Variants in ASPSCR1 observed in about 807,000 individuals in gnomAD.
ASPSCR1 encodes the protein ASPSCR1 tether for SLC2A4, UBX domain containing.
In ASPSCR1, 55 loss-of-function variants were observed where a neutral mutation model predicts 68.9. That is an observed-to-expected ratio of 0.80 (90% confidence interval 0.64 to 1.00). ASPSCR1 has a LOEUF of 1.00. ASPSCR1 is among the 50% of genes least tolerant of loss of function. The pLI is 0.00. For synonymous variants in ASPSCR1, 352 were observed against 332.6 expected, an observed-to-expected ratio of 1.06 and a Z score of -0.63; for missense variants, 765 against 762.2, an observed-to-expected ratio of 1.00 and a Z score of -0.04.
In ASPSCR1 at chr17:82,011,532, C is replaced by A. The variant is rs762100613; in HGVS notation, c.1238-11C>A. 10 of 1,576,474 alleles carry A rather than the reference C, an allele frequency of 6.3e-6. No homozygotes were observed. The Middle Eastern group carries it at 5.1e-4, about 80-fold the overall frequency. On this transcript the variant is annotated splice_polypyrimidine_tract_variant and intron_variant, in intron 10 of 15. Coordinates refer to ENST00000306739, the MANE Select transcript of ASPSCR1 (RefSeq NM_024083.4). ...GAAGAGCTGTCTGTATGTTCTTTTT[C>A]TCCTCTGCAGTGGGGGACTTGCGAG...
rs2042283497 is a variant in ASPSCR1, at chr17:81,994,844, G to A, written c.398G>A (p.Gly133Glu). Residue 133 changes from glycine to glutamate, a missense_variant, in exon 5 of 16, where the codon GGG becomes GAG. Gly to Glu is a moderately conservative substitution (Grantham distance 98). Transcript: ENST00000306739. ...QIRECLQHPG[G>E]ATPVCVYTRD... is the part of the protein sequence containing the mutation. ...AGGGAGTGCCTGCAGCACCCCGGCG[G>A]GGCCACCCCAGTCTGCGTGTACACG... 1 of 1,613,364 alleles carries A rather than the reference G, an allele frequency of 6.2e-7. No homozygotes were observed. The highest frequency in any genetic ancestry group is 8.5e-7 in the Non-Finnish European group (1 of 1,179,954).
At chr17:81,991,584 C>T (rs1020743640) in intron 4 of ASPSCR1, among the ~76,000 whole-genome samples, 3 of 152,218 alleles carry the variant, frequency 2.0e-5, no homozygotes, top group East Asian at 1.9e-4. Flanking sequence ...CATCCCTGTC[C>T]GTCCTTGTCC....
At chr17:81,992,558 G>A (rs919227277) in intron 4 of ASPSCR1, among the ~76,000 whole-genome samples, 1 of 152,176 alleles carries the variant, frequency 6.6e-6, no homozygotes, top group African/African-American at 2.4e-5. Flanking sequence ...TAGAGAAGTG[G>A]CCTCATGACC....
rs1285071927 is a variant in ASPSCR1 at position 81,987,078 on chromosome 17, A to G, written c.374+1471A>G. Among the ~76,000 whole-genome samples the G allele has an allele frequency of 1.4e-5, 2 of 145,926 alleles. No individual in the cohort carries two copies. The highest frequency in any genetic ancestry group is 1.4e-4 in the Admixed American group (2 of 14,680). On this transcript the variant is annotated intron_variant, in intron 4 of 15. Coordinates refer to ENST00000306739, the MANE Select transcript of ASPSCR1 (RefSeq NM_024083.4). This position sits in a 1 kb window ranked among gnomAD's most constrained non-coding sequence, Gnocchi z 5.6. ...CGGGACCCGAGGCAGGAGATGACGG[A>G]GCCTAAGAGCAAAGCGAAGCCACGG... is the stretch of plus-strand genomic sequence containing the variant.
chr17:81,995,992 G>C lies in ASPSCR1; in HGVS notation c.433G>C (p.Val145Leu). The change falls in exon 6 of 16, where the codon GTG becomes CTG. Residue 145 changes from valine to leucine, a missense_variant and splice_region_variant. Transcript: ENST00000306739. ...CCTGTCCTGGCTGCTCCTCCTGCAGGTGACGGGTGAAGCTGCCCTGCGGGG... is the reference window on the plus strand; with the variant it reads ...CCTGTCCTGGCTGCTCCTCCTGCAGCTGACGGGTGAAGCTGCCCTGCGGGG... The part of the protein sequence containing the change: ...TPVCVYTRDE[V>L]TGEAALRGTT... 1 of 1,609,576 alleles carries C rather than the reference G, an allele frequency of 6.2e-7. No individual in the cohort carries two copies. Among genetic ancestry groups the C allele is most frequent in the Non-Finnish European group, 8.5e-7 (1 of 1,178,896 alleles).
intron 1 of ASPSCR1, chr17:81,978,359 A>G (rs1267780446): frequency 1.3e-5 from 2 of 151,950 alleles, no homozygotes; most frequent in Admixed American, 6.6e-5. Flanking sequence ...CGTCTGTACT[A>G]AAAAAATACA....
chr17:82,011,491 C>T (rs1447426093), intron 10 of ASPSCR1, 52 bp from the exon 11 acceptor site: 6 of 1,530,594 alleles, frequency 3.9e-6, no homozygotes, highest in Admixed American at 4.3e-5. Flanking sequence ...TGGGGCAGCC[C>T]GGGGCTGGCG....
rs202149445 is a variant in ASPSCR1, at chr17:82,010,826, G to C, written c.1195G>C (p.Asp399His). The C allele has an allele frequency of 3.7e-6, 6 of 1,613,046 alleles. No individual in the cohort carries two copies. The African/African-American group carries it at 8.0e-5, about 22-fold the overall frequency. The change falls in exon 10 of 16, where the codon GAC becomes CAC. Residue 399 changes from aspartate to histidine, a missense_variant. Coordinates refer to ENST00000306739, the MANE Select transcript of ASPSCR1 (RefSeq NM_024083.4). ...GGTGGCTCTGAGGGTCCTGTTCCCC[G>C]ACCGCTACGTCCTACAGGGCTTCTT... ...PKVALRVLFP[D>H]RYVLQGFFRP... is the part of the protein sequence containing the mutation.
chr17:81,977,655 C>T lies in ASPSCR1; in HGVS notation c.9C>T (p.Ala3=), dbSNP rs749594577. ...GGTCACGTGAGCGGAAAATGGCGGCCCCGGCAGGCGGCGGAGGCTCCGCGG... is the reference window on the plus strand; with the variant it reads ...GGTCACGTGAGCGGAAAATGGCGGCTCCGGCAGGCGGCGGAGGCTCCGCGG... The part of the protein sequence containing the change: MA[A]PAGGGGSAVS... Residue 3 remains alanine (A), a synonymous_variant, in exon 1 of 16, where the codon GCC becomes GCT. Transcript: ENST00000306739. The surrounding 1 kb of genome is among the most constrained non-coding windows in gnomAD (Gnocchi z 5.0). 1 of 1,397,566 alleles carries T rather than the reference C, an allele frequency of 7.2e-7. No homozygotes were observed. The highest frequency in any genetic ancestry group is 2.9e-5 in the Admixed American group (1 of 34,334). The allele number at this position is 1,397,566 out of a possible 1,614,324, so 86.6% of individuals were successfully genotyped here. A position where few individuals can be genotyped will look rare whatever the true frequency, so the allele number is the denominator to read the frequency against.
intron 4 of ASPSCR1, among the ~76,000 whole-genome samples, chr17:81,988,697 C>T (rs1470733862): frequency 1.3e-5 from 2 of 152,170 alleles, no homozygotes; most frequent in Admixed American, 6.5e-5. Flanking sequence ...CTGTGGACAT[C>T]TTCCTGAAGG....
intron 5 of ASPSCR1, chr17:81,995,096 C>G (rs774149159): frequency 3.6e-6 from 2 of 552,382 alleles, no homozygotes; most frequent in Admixed American, 3.5e-5. Context: ...TTCAGCTTCT[C>G]TCAAAGCCCA....
At chr17:82,010,340 T>C (rs529262574) in intron 9 of ASPSCR1, among the ~76,000 whole-genome samples, 507 of 151,218 alleles carry the variant, frequency 3.4e-3, no homozygotes, top group African/African-American at 0.011. Flanking sequence ...CCATCCTGGC[T>C]GACACGGTGA....
At chr17:82,016,919 C>T in intron 14 of ASPSCR1, 22 bp from the exon 15 acceptor site, 1 of 1,611,622 alleles carries the variant, frequency 6.2e-7, no homozygotes, top group Non-Finnish European at 8.5e-7. Flanking sequence ...ACTCACCACT[C>T]TGTGTCTTCG....
Position 81,990,814 on chromosome 17 carries a change from A to G in ASPSCR1, c.375-4007A>G, listed in dbSNP as rs2042138284. ...AGATTGTTATGCTAACGGGTTTCCTATGAGGAGTTTCTCTCCATGGGTTTA... is the reference window on the plus strand; with the variant it reads ...AGATTGTTATGCTAACGGGTTTCCTGTGAGGAGTTTCTCTCCATGGGTTTA... On this transcript the variant is annotated intron_variant, in intron 4 of 15. Coordinates refer to ENST00000306739, the MANE Select transcript of ASPSCR1 (RefSeq NM_024083.4). The surrounding 1 kb of genome is among the most constrained non-coding windows in gnomAD (Gnocchi z 4.1). 6.6e-6 allele frequency among the ~76,000 whole-genome samples: 1 copy of G among 152,052 alleles called. No homozygotes were observed. The highest frequency in any genetic ancestry group is 2.4e-5 in the African/African-American group (1 of 41,392).
At position 81,986,752 on chromosome 17, in the gene ASPSCR1, T is replaced by C. The variant is rs2042005098; in HGVS notation, c.374+1145T>C. Among the ~76,000 whole-genome samples, 1 of 152,160 alleles carries C rather than the reference T, an allele frequency of 6.6e-6. No homozygotes were observed. Among genetic ancestry groups the C allele is most frequent in the Admixed American group, 6.5e-5 (1 of 15,276 alleles). ...GGGAAGGTGACCGCGCGTCGGGCGCTGGGAAGGTGACTGTGCGTTGGGCGC... is the reference window on the plus strand; with the variant it reads ...GGGAAGGTGACCGCGCGTCGGGCGCCGGGAAGGTGACTGTGCGTTGGGCGC... On this transcript the variant is annotated intron_variant, in intron 4 of 15. Transcript: ENST00000306739. The surrounding 1 kb of genome is among the most constrained non-coding windows in gnomAD (Gnocchi z 5.2).
At chr17:81,997,487 G>GGTT (rs1567973899) in intron 7 of ASPSCR1, among the ~76,000 whole-genome samples, 2 of 135,922 alleles carry the variant, frequency 1.5e-5, no homozygotes. Flanking sequence ...TTTTTTCTGG[G>GGTT]TTTTTTTTTT....
intron 4 of ASPSCR1, among the ~76,000 whole-genome samples, chr17:81,992,515 C>T (rs2042202801): frequency 6.6e-6 from 1 of 152,228 alleles, no homozygotes. Flanking sequence ...AGTTGGGACT[C>T]TGGCCACCCC....
intron 7 of ASPSCR1, among the ~76,000 whole-genome samples, 186 bp downstream of exon 7, chr17:81,997,032 G>A (rs2042368518): frequency 8.0e-6 from 1 of 125,136 alleles, no homozygotes; most frequent in Admixed American, 7.3e-5. Context: ...AAGGAATTTA[G>A]GGGTAAGCAG....
intron 12 of ASPSCR1, chr17:82,015,339 C>G (rs1036919256): frequency 6.3e-7 from 1 of 1,597,960 alleles, no homozygotes; most frequent in Non-Finnish European, 8.5e-7. Flanking sequence ...TGGGCACAAG[C>G]ACGTGGGGAC....
Sources: allele counts gnomAD v4.1 joint callset (sites outside exome capture counted in the v4.1 genomes callset), GRCh38; gene constraint gnomAD v4.1.1; non-coding constraint Gnocchi (gnomAD v3.1); transcripts MANE v1.5; gene names NCBI Gene and HGNC (gene_info 2026-07-23, HGNC 2026-07-21).